The following EPRS1 variants were observed in gnomAD, a reference collection of about 807,000 sequenced individuals.
The protein encoded by EPRS1 is glutamyl-prolyl-tRNA synthetase 1.
A neutral mutation model predicts 188.3 loss-of-function variants in EPRS1; 107 were observed. The observed-to-expected ratio is 0.57, with a 90% CI of 0.49 to 0.67. EPRS1 has a LOEUF of 0.67. EPRS1 is among the 30% of genes least tolerant of loss of function. The pLI is 0.00. For synonymous variants in EPRS1, 596 were observed against 593.1 expected (o/e 1.00, Z -0.07); for missense variants, 1,577 against 1,802.2 (o/e 0.88, Z 2.26).
chr1:219,992,650 G>A (rs1172835278), intron 18 of EPRS1, among the ~76,000 whole-genome samples: 1 of 152,222 alleles, frequency 6.6e-6, no homozygotes, highest in East Asian at 1.9e-4. Context: ...TTACAGGCCG[G>A]GTGTAGTGGC....
intron 6 of EPRS1, among the ~76,000 whole-genome samples, chr1:220,026,082 C>T (rs61830401): frequency 0.11 from 16,681 of 152,180 alleles, 1,369 homozygotes; most frequent in East Asian, 0.33. Context: ...CGTGAGCCAC[C>T]GCACCCAGCC....
At chr1:220,022,644 A>T in intron 8 of EPRS1, 126 bp from the exon 9 acceptor site, 1 of 754,764 alleles carries the variant, frequency 1.3e-6, no homozygotes, top group Non-Finnish European at 2.1e-6. Context: ...GTTTAAAAAC[A>T]CTGTAATATT....
intron 6 of EPRS1, 126 bp downstream of exon 6, chr1:220,030,260 C>T (rs1662059750): frequency 5.1e-6 from 3 of 590,616 alleles, no homozygotes; most frequent in Non-Finnish European, 8.7e-6. Flanking sequence ...AGAATTTTAA[C>T]TCTCACAATT....
intron 12 of EPRS1, among the ~76,000 whole-genome samples, chr1:220,014,942 A>G (rs1661673490): frequency 6.6e-6 from 1 of 152,230 alleles, no homozygotes; most frequent in African/African-American, 2.4e-5. Context: ...ATGAAACAAG[A>G]ATAGAGAGTT....
chr1:220,036,636 G>C (rs569293747), intron 2 of EPRS1, among the ~76,000 whole-genome samples: 2 of 152,164 alleles, frequency 1.3e-5, no homozygotes, highest in African/African-American at 4.8e-5. Context: ...TTAACGACGA[G>C]AACACATGAA....
chr1:220,036,619 T>C (rs1662185590), intron 2 of EPRS1, among the ~76,000 whole-genome samples: 1 of 151,722 alleles, frequency 6.6e-6, no homozygotes, highest in Non-Finnish European at 1.5e-5. Flanking sequence ...CACTTATAAG[T>C]GGGAGCTTAA....
chr1:219,983,024 G>C (rs1660929297), intron 22 of EPRS1, among the ~76,000 whole-genome samples, 165 bp downstream of exon 22: 1 of 152,114 alleles, frequency 6.6e-6, no homozygotes, highest in Admixed American at 6.5e-5. Flanking sequence ...AATATTAAAA[G>C]TCAGTTAATT....
intron 23 of EPRS1, 75 bp from the exon 24 acceptor site, chr1:219,981,532 C>A: frequency 8.0e-6 from 6 of 746,906 alleles, no homozygotes; most frequent in Admixed American, 2.5e-5. Flanking sequence ...GCTAAACCAG[C>A]AAGATAATTA....
At chr1:219,980,384 C>G (rs893154531) in intron 25 of EPRS1, 144 bp from the exon 26 acceptor site, 2 of 590,490 alleles carry the variant, frequency 3.4e-6, no homozygotes, top group African/African-American at 3.7e-5. Flanking sequence ...GTTAAAGCAG[C>G]CAGTGTGAAC....
In EPRS1 at chr1:219,983,182, C is replaced by G; in HGVS notation, c.3300+7G>C. On this transcript the variant is annotated splice_region_variant and intron_variant, in intron 22 of 31. Transcript: ENST00000366923. ...ATTGCAAAAAATAAAAAAGCAAGCT[C>G]ACTTACCTCTGGGGCAAAGTCAGCA... is the stretch of plus-strand genomic sequence containing the variant. 2 of 1,604,150 alleles carry G rather than the reference C, an allele frequency of 1.2e-6. No individual in the cohort carries two copies. Among genetic ancestry groups the G allele is most frequent in the Non-Finnish European group, 1.7e-6 (2 of 1,173,920 alleles).
chr1:219,972,938 G>A (rs1025843920), intron 29 of EPRS1, among the ~76,000 whole-genome samples: 4 of 152,226 alleles, frequency 2.6e-5, no homozygotes, highest in African/African-American at 9.6e-5. Flanking sequence ...CCCAGCAGAT[G>A]ACAGTCAATG....
chr1:219,977,188 T>G (rs780857040), intron 28 of EPRS1, among the ~76,000 whole-genome samples: 1 of 152,216 alleles, frequency 6.6e-6, no homozygotes, highest in Admixed American at 6.5e-5. Flanking sequence ...AAAATGGCAT[T>G]AAAAAGTATA....
Position 219,988,717 on chromosome 1 carries a change from G to T in EPRS1, c.2648C>A (p.Ser883Ter). 2 of 1,613,836 alleles carry T rather than the reference G, an allele frequency of 1.2e-6. No homozygotes were observed. The highest frequency in any genetic ancestry group is 1.7e-6 in the Non-Finnish European group (2 of 1,179,782). Residue 883 changes from serine (S) to a stop codon, truncating the protein, a stop_gained, in exon 19 of 32, where the codon TCG becomes TAG. Coordinates refer to ENST00000366923, the MANE Select transcript of EPRS1 (RefSeq NM_004446.3). LOFTEE classifies it high-confidence loss of function. ...IPGQPPLSQS[S>*]DSSPTRNSEP... ...AGAATTTCTGGTTGGGCTTGAATCC[G>T]AACTTTGAGATAATGGGGGCTGACC...
chr1:219,978,130 A>C (rs762096058), intron 28 of EPRS1, among the ~76,000 whole-genome samples: 14 of 152,232 alleles, frequency 9.2e-5, no homozygotes, highest in Non-Finnish European at 1.9e-4. Flanking sequence ...GTGAAAACTC[A>C]AGAATAAAAT....
intron 8 of EPRS1, 77 bp from the exon 9 acceptor site, chr1:220,022,595 T>A (rs949885900): frequency 8.4e-7 from 1 of 1,192,318 alleles, no homozygotes; most frequent in Non-Finnish European, 1.2e-6. Context: ...TAATTTGATA[T>A]AAATTTTCAT....
rs1426650397 is a variant in EPRS1 at position 220,019,057 on chromosome 1, C to T, written c.1372G>A (p.Val458Ile). The change falls in exon 11 of 32, where the codon GTT becomes ATT. Residue 458 changes from valine (V) to isoleucine (I), a missense_variant. Val to Ile is a conservative substitution (Grantham distance 29). Around this residue, in one of 3 missense-constraint regions of EPRS1, gnomAD observed 1,278 missense variants for 1,457.4 expected, o/e 0.88. Coordinates refer to ENST00000366923, the MANE Select transcript of EPRS1 (RefSeq NM_004446.3). Reference protein sequence around the residue: ...DGWDDPRFPTVRGVLRRGMTV... With the variant: ...DGWDDPRFPTIRGVLRRGMTV... Reference sequence around the variant, plus strand: ...ATCCCTCTTCTCAGTACACCACGAACCGTAGGAAATCTTGGGTCATCCCTG... The same window carrying T: ...ATCCCTCTTCTCAGTACACCACGAATCGTAGGAAATCTTGGGTCATCCCTG... 2 of 1,612,970 alleles carry T rather than the reference C, an allele frequency of 1.2e-6. No homozygotes were observed. The highest frequency in any genetic ancestry group is 2.2e-5 in the South Asian group (2 of 91,030).
intron 18 of EPRS1, among the ~76,000 whole-genome samples, chr1:219,990,123 A>G (rs1369856287): frequency 1.6e-5 from 2 of 128,708 alleles, no homozygotes; most frequent in Non-Finnish European, 3.2e-5. Context: ...TTTCACACGG[A>G]AAAAAAAAAA....
intron 17 of EPRS1, among the ~76,000 whole-genome samples, chr1:219,998,547 A>AT (rs10638364): frequency 0.062 from 8,856 of 142,830 alleles, 933 homozygotes; most frequent in African/African-American, 0.21. Flanking sequence ...GTTCAGCTAC[A>AT]TTTTTTTTTT....
chr1:220,003,050 T>C (rs1448677473), intron 16 of EPRS1, among the ~76,000 whole-genome samples: 1 of 152,214 alleles, frequency 6.6e-6, no homozygotes, highest in Non-Finnish European at 1.5e-5. Flanking sequence ...GGAGGAATCA[T>C]CCAACTGTTT....
Sources: gnomAD v4.1 joint callset for allele counts (sites outside exome capture counted in the v4.1 genomes callset) on GRCh38, gnomAD v4.1.1 for gene constraint, gnomAD v4.1.1 regional missense constraint, MANE v1.5 for transcripts, NCBI Gene and HGNC (gene_info 2026-07-23, HGNC 2026-07-21) for gene names.